The following SYCP2 variants were observed in gnomAD, a reference collection of about 807,000 sequenced individuals.
The protein encoded by SYCP2 is synaptonemal complex protein 2.
Under a neutral mutation model 211.3 loss-of-function variants are expected in SYCP2, and 55 were observed. The ratio of observed to expected loss-of-function variants is 0.26; its 90% CI spans 0.21 to 0.33. SYCP2 has a LOEUF of 0.33. SYCP2 is among the 10% of genes least tolerant of loss of function. The pLI is 1.00. For missense variants in SYCP2, 1,731 were observed against 1,752.0 expected, an observed-to-expected ratio of 0.99 and a Z score of 0.21; for synonymous variants, 570 against 555.2, an observed-to-expected ratio of 1.03 and a Z score of -0.37.
At chr20:59,917,601 G>A (rs367897209) in intron 7 of SYCP2, among the ~76,000 whole-genome samples, 1 of 151,838 alleles carries the variant, frequency 6.6e-6, no homozygotes, top group African/African-American at 2.4e-5. Flanking sequence ...AACAATCAAC[G>A]AAGAGGTAGG....
In SYCP2 at chr20:59,867,953, T is replaced by TA. The variant is rs1456031346; in HGVS notation, c.3989-107dup. 5.3e-6 allele frequency: 4 copies of TA among 753,082 alleles called. No individual in the cohort carries two copies. In the African/African-American group the frequency reaches 7.3e-5, roughly 14 times the overall value. The allele number at this position is 753,082 out of a possible 1,614,324, so 46.6% of individuals were successfully genotyped here. A position where few individuals can be genotyped will look rare whatever the true frequency, so the allele number is the denominator to read the frequency against. ...CTATCTTATTTTCCGAATCTATGTG[T>TA]AACCTAAGGATTATGAAATCAAAGG... is the stretch of plus-strand genomic sequence containing the variant. On this transcript the variant is annotated intron_variant, in intron 38 of 44. Coordinates refer to ENST00000357552, the MANE Select transcript of SYCP2 (RefSeq NM_014258.4).
In SYCP2 at chr20:59,878,003, CT is replaced by C; in HGVS notation, c.2979+4del. 6.2e-7 allele frequency: 1 copy of C among 1,600,374 alleles called. No individual in the cohort carries two copies. Among genetic ancestry groups the C allele is most frequent in the East Asian group, 2.3e-5 (1 of 44,296 alleles). ...GGATGTTTGAACACAAACTTCTTGG[CT>C]TACCATTTTAGAGCTTGGCTGTCCC... On this transcript the variant is annotated splice_donor_region_variant and intron_variant, in intron 32 of 44. Transcript: ENST00000357552.
chr20:59,900,060 G>A, intron 18 of SYCP2, 78 bp downstream of exon 18: 7 of 1,410,514 alleles, frequency 5.0e-6, no homozygotes, highest in Non-Finnish European at 7.0e-6. Flanking sequence ...AATTCTAGAT[G>A]CTTCTTTCAG....
rs1416842158 is a variant in SYCP2, at chr20:59,871,448, C to CA, written c.3556-1466dup. On this transcript the variant is annotated intron_variant, in intron 35 of 44. Transcript: ENST00000357552. ...TTAAGAGTTGACAGTAAAGGGGCAG[C>CA]ATGGGGGAATGTCTCATGAGTGTCC... Among the ~76,000 whole-genome samples, 7 of 151,776 alleles carry CA rather than the reference C, an allele frequency of 4.6e-5. No individual in the cohort carries two copies. In the East Asian group the frequency reaches 1.4e-3, roughly 29 times the overall value.
At chr20:59,925,658 G>A (rs1339314303) in intron 2 of SYCP2, among the ~76,000 whole-genome samples, 1 of 152,006 alleles carries the variant, frequency 6.6e-6, no homozygotes, top group Non-Finnish European at 1.5e-5. Flanking sequence ...ACTCTGACCA[G>A]TTGCCTCACT....
chr20:59,927,997 AACTCAATT>A (rs1429982331), intron 2 of SYCP2, among the ~76,000 whole-genome samples: 1 of 152,174 alleles, frequency 6.6e-6, no homozygotes, highest in Non-Finnish European at 1.5e-5. Flanking sequence ...GGAAAGGTCT[AACTCAATT>A]ACCTTGCAGT....
chr20:59,868,939 T>C lies in SYCP2; in HGVS notation c.3742-14A>G, dbSNP rs2059400228. 1.3e-6 allele frequency: 2 copies of C among 1,561,250 alleles called. No individual in the cohort carries two copies. Among genetic ancestry groups the C allele is most frequent in the Non-Finnish European group, 1.7e-6 (2 of 1,146,616 alleles). The stretch of plus-strand genomic sequence containing the variant: ...TAAATGACTTTCCTAAAATACGTAT[T>C]AGAAATTAGAAAAAAATTCCGTAAA... On this transcript the variant is annotated splice_polypyrimidine_tract_variant and intron_variant, in intron 36 of 44. Transcript: ENST00000357552.
In SYCP2 at chr20:59,873,859, A is replaced by G. The variant is rs765243485; in HGVS notation, c.3552T>C (p.Phe1184=). Residue 1184 remains phenylalanine (F), a synonymous_variant, in exon 35 of 45, where the codon TTT becomes TTC. Transcript: ENST00000357552. ...ESCSPIPRPL[F]LPRHTPTKSN... is the part of the protein sequence containing the mutation. ...AAAAATATATATACATTCTCACCAAAAACAGTGGTCGTGGAATTGGTGAAC... is the reference window on the plus strand; with the variant it reads ...AAAAATATATATACATTCTCACCAAGAACAGTGGTCGTGGAATTGGTGAAC... The G allele has an allele frequency of 1.9e-6, 3 of 1,605,848 alleles. No individual in the cohort carries two copies. The highest frequency in any genetic ancestry group is 4.5e-5 in the East Asian group (2 of 44,750).
chr20:59,888,977 G>T (rs558080933), intron 24 of SYCP2, among the ~76,000 whole-genome samples: 9 of 152,022 alleles, frequency 5.9e-5, no homozygotes, highest in African/African-American at 2.2e-4. Context: ...AATCAAAGGA[G>T]ATCTAAATAA....
intron 24 of SYCP2, among the ~76,000 whole-genome samples, chr20:59,889,495 T>TA (rs2059861825): frequency 6.6e-6 from 1 of 152,012 alleles, no homozygotes; most frequent in South Asian, 2.1e-4. Flanking sequence ...ATATGAGGTC[T>TA]CCTGATTTTA....
At chr20:59,866,645 A>G (rs1199707917) in intron 39 of SYCP2, 56 bp from the exon 40 acceptor site, 4 of 1,134,802 alleles carry the variant, frequency 3.5e-6, no homozygotes, top group African/African-American at 3.2e-5. Context: ...ACTCTAACCA[A>G]GACTACAGTA....
intron 20 of SYCP2, among the ~76,000 whole-genome samples, chr20:59,894,125 A>G (rs2059961433): frequency 1.3e-5 from 2 of 152,070 alleles, no homozygotes; most frequent in Non-Finnish European, 2.9e-5. Context: ...ATAACACTTA[A>G]TCCAGATCAA....
Position 59,895,506 on chromosome 20 carries a change from T to C in SYCP2, c.1596A>G (p.Arg532=). ...ATTTCAGTGATGCAGCATTATCCAC[T>C]CTATTTTCTGATGTTTGAGAAACAC... The part of the protein sequence containing the change: ...KPSVSQTSEN[R]VDNAASLKSR... Residue 532 remains arginine (R), a synonymous_variant, in exon 20 of 45, where the codon AGA becomes AGG. Coordinates refer to ENST00000357552, the MANE Select transcript of SYCP2 (RefSeq NM_014258.4). 1.9e-6 allele frequency: 3 copies of C among 1,613,376 alleles called. No individual in the cohort carries two copies. The highest frequency in any genetic ancestry group is 2.5e-6 in the Non-Finnish European group (3 of 1,179,498).
Position 59,893,215 on chromosome 20 carries a change from A to G in SYCP2, c.1736-16T>C. ...TGGAGTTCACCTAAATAAAACAAAT[A>G]TTATAATATTTTCATTTTTTTCATG... On this transcript the variant is annotated splice_polypyrimidine_tract_variant and intron_variant, in intron 21 of 44. Coordinates refer to ENST00000357552, the MANE Select transcript of SYCP2 (RefSeq NM_014258.4). The G allele has an allele frequency of 6.4e-7, 1 of 1,563,136 alleles. No individual in the cohort carries two copies. Among genetic ancestry groups the G allele is most frequent in the Non-Finnish European group, 8.7e-7 (1 of 1,147,728 alleles).
chr20:59,871,828 A>C (rs1466115419), intron 35 of SYCP2, among the ~76,000 whole-genome samples: 1 of 152,010 alleles, frequency 6.6e-6, no homozygotes, highest in African/African-American at 2.4e-5. Flanking sequence ...GACAAGAAAA[A>C]AAAGTCTGTA....
chr20:59,925,113 C>T (rs1165704256), intron 2 of SYCP2, among the ~76,000 whole-genome samples: 1 of 151,918 alleles, frequency 6.6e-6, no homozygotes, highest in Non-Finnish European at 1.5e-5. Flanking sequence ...AAGCTCTAAC[C>T]ATAAAAGACA....
At chr20:59,893,894 A>G (rs1040278679) in intron 20 of SYCP2, among the ~76,000 whole-genome samples, 6 of 151,998 alleles carry the variant, frequency 3.9e-5, no homozygotes, top group Non-Finnish European at 7.4e-5. Flanking sequence ...CTCCATGAGG[A>G]ATCTCTCCTG....
rs2059949897 is a variant in SYCP2, at chr20:59,893,513, A to C, written c.1735+11T>G. 6.4e-7 allele frequency: 1 copy of C among 1,573,694 alleles called. No homozygotes were observed. Among genetic ancestry groups the C allele is most frequent in the Non-Finnish European group, 8.7e-7 (1 of 1,146,626 alleles). ...TAAAAAAATGACTAAATTAAACCAC[A>C]AGGTACTTACTAAAATTTTGGTTTG... On this transcript the variant is annotated intron_variant, in intron 21 of 44. Transcript: ENST00000357552.
At chr20:59,928,587 A>G (rs2060676177) in intron 2 of SYCP2, among the ~76,000 whole-genome samples, 1 of 152,196 alleles carries the variant, frequency 6.6e-6, no homozygotes, top group African/African-American at 2.4e-5. Context: ...CAAAGTCACA[A>G]GAAATAACTA....
Sources: gnomAD v4.1 joint callset for allele counts (sites outside exome capture counted in the v4.1 genomes callset) on GRCh38, gnomAD v4.1.1 for gene constraint, MANE v1.5 for transcripts, NCBI Gene and HGNC (gene_info 2026-07-23, HGNC 2026-07-21) for gene names.